The following INSRR variants were observed in gnomAD, a reference collection of about 807,000 sequenced individuals.
INSRR encodes insulin receptor related receptor, also known as insulin receptor-related protein.
Under a neutral mutation model 130.0 loss-of-function variants are expected in INSRR, and 114 were observed. That is an observed-to-expected ratio of 0.88 (90% confidence interval 0.75 to 1.02). INSRR has a LOEUF of 1.02. Ranked by LOEUF, INSRR falls within the 50% of genes least tolerant of loss-of-function variation. The pLI, the probability that INSRR is intolerant of heterozygous loss-of-function variation, is 0.00. For synonymous variants in INSRR, 674 were observed against 705.2 expected (o/e 0.96, Z 0.70); for missense variants, 1,657 against 1,735.2 (o/e 0.95, Z 0.80).
intron 5 of INSRR, among the ~76,000 whole-genome samples, chr1:156,850,533 TC>T (rs1487379364): frequency 3.8e-4 from 44 of 116,774 alleles, no homozygotes; most frequent in African/African-American, 1.4e-3. Context: ...TTTAAAACAT[TC>T]TTTTTTTTTT....
At position 156,842,259 on chromosome 1, in the gene INSRR, G is replaced by T. The variant is rs749935027; in HGVS notation, c.3250C>A (p.Leu1084Ile). 2.5e-6 allele frequency: 4 copies of T among 1,613,968 alleles called. No homozygotes were observed. The highest frequency in any genetic ancestry group is 2.5e-6 in the Non-Finnish European group (3 of 1,179,974). Residue 1084 changes from leucine (L) to isoleucine (I), a missense_variant, in exon 19 of 22, where the codon CTC becomes ATC. Transcript: ENST00000368195. ...LRPEAENNPG[L>I]PQPALGEMIQ... is the part of the protein sequence containing the mutation. The stretch of plus-strand genomic sequence containing the variant: ...ATTTCCCCCAATGCTGGCTGTGGGA[G>T]CCCAGGGTTGTTCTAGAGCCAAGAT...
At position 156,851,308 on chromosome 1, in the gene INSRR, C is replaced by G; in HGVS notation, c.1211G>C (p.Gly404Ala). Residue 404 changes from glycine to alanine, a missense_variant, in exon 5 of 22, where the codon GGA (glycine) becomes GCA (alanine). Transcript: ENST00000368195. ...CCCTTACCCATCCACCATGGCGTCTCCCCGGATTAGTTTGAGGTTCTTGAA... is the reference window on the plus strand; with the variant it reads ...CCCTTACCCATCCACCATGGCGTCTGCCCGGATTAGTTTGAGGTTCTTGAA... ...GFFKNLKLIR[G>A]DAMVDGNYTL... 6.2e-7 allele frequency: 1 copy of G among 1,614,124 alleles called. No homozygotes were observed. Among genetic ancestry groups the G allele is most frequent in the South Asian group, 1.1e-5 (1 of 91,070 alleles).
chr1:156,849,494 A>AGGGGGGG, intron 5 of INSRR, 34 bp from the exon 6 acceptor site: 1 of 255,032 alleles, frequency 3.9e-6, no homozygotes, highest in Non-Finnish European at 7.4e-6. Context: ...CTCTGCGGGG[A>AGGGGGGG]GGTGGGGGCA....
Position 156,842,290 on chromosome 1 carries a change from G to C in INSRR, c.3238-19C>G, listed in dbSNP as rs771085993. 4 of 1,613,830 alleles carry C rather than the reference G, an allele frequency of 2.5e-6. No individual in the cohort carries two copies. The highest frequency in any genetic ancestry group is 2.5e-6 in the Non-Finnish European group (3 of 1,179,896). ...GGTTGTTCTAGAGCCAAGATTGGGG[G>C]CTGGTGAGGAAGGAACCCAGAGGCT... is the stretch of plus-strand genomic sequence containing the variant. On this transcript the variant is annotated intron_variant, in intron 18 of 21. Transcript: ENST00000368195.
At chr1:156,850,473 A>G (rs1041396382) in intron 5 of INSRR, among the ~76,000 whole-genome samples, 1 of 150,674 alleles carries the variant, frequency 6.6e-6, no homozygotes. Flanking sequence ...TTGCCCTCCC[A>G]AAGTGCAGAG....
chr1:156,844,882 T>C, intron 12 of INSRR, 39 bp from the exon 13 acceptor site: 1 of 1,611,886 alleles, frequency 6.2e-7, no homozygotes, highest in Non-Finnish European at 8.5e-7. Context: ...CCAAAAGTGG[T>C]TCATCTCACC....
At position 156,851,779 on chromosome 1, in the gene INSRR, G is replaced by T. The variant is rs1655220099; in HGVS notation, c.951C>A (p.Cys317Ter). The T allele has an allele frequency of 6.2e-7, 1 of 1,609,570 alleles. No individual in the cohort carries two copies. The highest frequency in any genetic ancestry group is 8.5e-7 in the Non-Finnish European group (1 of 1,176,598). Residue 317 changes from cysteine to a stop codon, truncating the protein, a stop_gained, in exon 4 of 22, where the codon TGC becomes TGA. Coordinates refer to ENST00000368195, the MANE Select transcript of INSRR (RefSeq NM_014215.3). LOFTEE classifies it high-confidence loss of function. ...TAGGGCACAGCCCCTCGCACTTGTG[G>T]CAGAATATGCTAGCAGGAGCAAGCA... ...GFTRNSSSIF[C>*]HKCEGLCPKE... is the part of the protein sequence containing the mutation.
At chr1:156,848,778 C>T in intron 7 of INSRR, 143 bp downstream of exon 7, 2 of 941,482 alleles carry the variant, frequency 2.1e-6, no homozygotes, top group Non-Finnish European at 3.1e-6. Flanking sequence ...CAGACCTGGG[C>T]CCTACCACGG....
Position 156,844,620 on chromosome 1 carries a change from G to T in INSRR, c.2579C>A (p.Ala860Asp), listed in dbSNP as rs758475457. ...AAGACGGGACACACACAGCACTGTGGCCTCCTGAGAGTAACGCAGAACAGC... is the reference window on the plus strand; with the variant it reads ...AAGACGGGACACACACAGCACTGTGTCCTCCTGAGAGTAACGCAGAACAGC... The part of the protein sequence containing the change: ...EIKYRRLGEE[A>D]TVLCVSRLRY... The change falls in exon 14 of 22, where the codon GCC becomes GAC. Residue 860 changes from alanine (A) to aspartate (D), a missense_variant. Physicochemically the swap from Ala to Asp is moderately radical, Grantham distance 126. Transcript: ENST00000368195. 6.2e-7 allele frequency: 1 copy of T among 1,614,176 alleles called. No individual in the cohort carries two copies. The highest frequency in any genetic ancestry group is 1.6e-4 in the Middle Eastern group (1 of 6,062).
chr1:156,858,881 G>A lies in INSRR; in HGVS notation c.-260C>T. 1.9e-6 allele frequency: 1 copy of A among 520,264 alleles called. No individual in the cohort carries two copies. Among genetic ancestry groups the A allele is most frequent in the Non-Finnish European group, 3.5e-6 (1 of 288,176 alleles). The allele number at this position is 520,264 out of a possible 1,614,324, so 32.2% of individuals were successfully genotyped here. ...ATTGAGAGATGGGGACAGAGATGCA[G>A]ACAGTGACAGGGAGAGTCTCGGGCC... On this transcript the variant is annotated 5_prime_UTR_variant, in exon 1 of 22. Transcript: ENST00000368195.
rs2102856843 is a variant in INSRR, at chr1:156,844,594, G to A, written c.2605C>T (p.Arg869Ter). The change falls in exon 14 of 22, where the codon CGA becomes TGA. Residue 869 changes from arginine to a stop codon, truncating the protein, a stop_gained. Coordinates refer to ENST00000368195, the MANE Select transcript of INSRR (RefSeq NM_014215.3). LOFTEE classifies it high-confidence loss of function. ...TGGACTCCCCCAAACTTCGCATATC[G>A]AAGACGGGACACACACAGCACTGTG... ...EATVLCVSRL[R>*]YAKFGGVHLA... 1.2e-6 allele frequency: 2 copies of A among 1,614,142 alleles called. No homozygotes were observed. The highest frequency in any genetic ancestry group is 1.1e-5 in the South Asian group (1 of 91,080).
In INSRR at chr1:156,851,637, G is replaced by A. The variant is rs2102866761; in HGVS notation, c.1084+9C>T. 1 of 1,614,164 alleles carries A rather than the reference G, an allele frequency of 6.2e-7. No homozygotes were observed. The highest frequency in any genetic ancestry group is 1.3e-5 in the African/African-American group (1 of 75,044). On this transcript the variant is annotated intron_variant, in intron 4 of 21. Transcript: ENST00000368195. ...GGAGGAGGGGTGTGGCCCCAAAGTA[G>A]GTACTGACAGCCCTGGCGAAGGTTG... is the stretch of plus-strand genomic sequence containing the variant.
chr1:156,852,299 C>A, intron 2 of INSRR, 108 bp from the exon 3 acceptor site: 1 of 1,067,562 alleles, frequency 9.4e-7, no homozygotes, highest in East Asian at 2.6e-5. Context: ...CAATCTGCAC[C>A]CAGGTCCCTC....
At chr1:156,843,359 G>A (rs1654872614) in intron 16 of INSRR, 68 bp downstream of exon 16, 1 of 1,583,384 alleles carries the variant, frequency 6.3e-7, no homozygotes, top group Non-Finnish European at 8.7e-7. Flanking sequence ...AGGTCTTCTG[G>A]AAGTCTGTCT....
intron 12 of INSRR, 77 bp from the exon 13 acceptor site, chr1:156,844,920 C>A: frequency 6.3e-7 from 1 of 1,590,966 alleles, no homozygotes; most frequent in Non-Finnish European, 8.6e-7. Flanking sequence ...CTAAACTGGG[C>A]TGAGCTGGGA....
rs761638009 is a variant in INSRR, at chr1:156,845,171, G to A, written c.2342C>T (p.Thr781Met). The change falls in exon 12 of 22, where the codon ACG becomes ATG. Residue 781 changes from threonine to methionine, a missense_variant. By Grantham distance (81) the Thr-to-Met change is moderately conservative. Coordinates refer to ENST00000368195, the MANE Select transcript of INSRR (RefSeq NM_014215.3). ...RAVLSGLRHF[T>M]EYRIDIHACN... The stretch of plus-strand genomic sequence containing the variant: ...GGCATGGATGTCGATCCGGTATTCC[G>A]TGAAGTGGCGCAGGCCGCTCAGCAC... 7.0e-5 allele frequency: 112 copies of A among 1,610,914 alleles called. 1 individual carries two copies. Among genetic ancestry groups the A allele is most frequent in the African/African-American group, 1.3e-5 (1 of 74,910 alleles).
intron 5 of INSRR, among the ~76,000 whole-genome samples, chr1:156,850,409 T>TCCATGTTGG (rs1655160588): frequency 6.6e-6 from 1 of 151,154 alleles, no homozygotes; most frequent in Admixed American, 6.6e-5. Flanking sequence ...ATGGGTTTTC[T>TCCATGTTGG]CCATGTTGGC....
Position 156,851,807 on chromosome 1 carries a change from T to A in INSRR, c.942-19A>T, listed in dbSNP as rs767797146. The A allele has an allele frequency of 1.4e-5, 23 of 1,600,178 alleles. No homozygotes were observed. The East Asian group carries it at 4.9e-4, about 34-fold the overall frequency. ...GAATATGCTAGCAGGAGCAAGCAGA[T>A]GTCCTGAGCCTTGGACCAGTTTGGG... On this transcript the variant is annotated intron_variant, in intron 3 of 21. Transcript: ENST00000368195.
chr1:156,841,391 C>T lies in INSRR; in HGVS notation c.3662+3G>A. On this transcript the variant is annotated splice_donor_region_variant and intron_variant, in intron 21 of 21. Coordinates refer to ENST00000368195, the MANE Select transcript of INSRR (RefSeq NM_014215.3). ...TGAGGAAGGGGCAGGGGAGGTGACT[C>T]ACAGCTGAAGGGGACAGCCCTCCAG... is the stretch of plus-strand genomic sequence containing the variant. 5.6e-6 allele frequency: 9 copies of T among 1,613,606 alleles called. No individual in the cohort carries two copies. The highest frequency in any genetic ancestry group is 7.6e-6 in the Non-Finnish European group (9 of 1,179,710).
Sources: allele counts gnomAD v4.1 joint callset (sites outside exome capture counted in the v4.1 genomes callset), GRCh38; gene constraint gnomAD v4.1.1; transcripts MANE v1.5; gene names NCBI Gene and HGNC (gene_info 2026-07-23, HGNC 2026-07-21).